Variants in CDH20 observed in about 807,000 individuals in gnomAD.
The protein encoded by CDH20 is cadherin 20.
Under a neutral mutation model 74.2 loss-of-function variants are expected in CDH20, and 29 were observed. The ratio of observed to expected loss-of-function variants is 0.39; its 90% CI spans 0.29 to 0.53. The LOEUF (loss-of-function observed/expected upper bound fraction) is 0.53, where lower values mean the gene tolerates loss of function less well. Among genes scored for constraint, CDH20 ranks in the 20% least tolerant of loss-of-function variants. The pLI, the probability that CDH20 is intolerant of heterozygous loss-of-function variation, is 0.69. For synonymous variants in CDH20, 469 were observed against 405.4 expected (o/e 1.16, Z -1.88); for missense variants, 988 against 1,048.3 (o/e 0.94, Z 0.79).
intron 1 of CDH20, among the ~76,000 whole-genome samples, chr18:61,465,969 A>G (rs2073662065): frequency 6.6e-6 from 1 of 152,038 alleles, no homozygotes; most frequent in African/African-American, 2.4e-5. Context: ...CTGAGGTGGG[A>G]GGATGACTTG....
At chr18:61,334,967 ATG>A (rs1386435934) in intron 1 of CDH20, among the ~76,000 whole-genome samples, 1 of 152,060 alleles carries the variant, frequency 6.6e-6, no homozygotes, top group African/African-American at 2.4e-5. Context: ...CCAGTCTCTG[ATG>A]TGTGTCTTTC....
In CDH20 at chr18:61,500,477, A is replaced by G; in HGVS notation, c.636A>G (p.Pro212=). 1 of 1,611,442 alleles carries G rather than the reference A, an allele frequency of 6.2e-7. No homozygotes were observed. Among genetic ancestry groups the G allele is most frequent in the Non-Finnish European group, 8.5e-7 (1 of 1,178,250 alleles). The part of the protein sequence containing the change: ...RVVYSILQGQ[P]YFSVDSKTGV... ...TGTACAGCATTCTTCAGGGCCAGCCATATTTTTCTGTGGACTCTAAAACAG... is the reference window on the plus strand; with the variant it reads ...TGTACAGCATTCTTCAGGGCCAGCCGTATTTTTCTGTGGACTCTAAAACAG... Residue 212 remains proline (P), a synonymous_variant, in exon 4 of 12, where the codon CCA becomes CCG. Coordinates refer to ENST00000262717, the MANE Select transcript of CDH20 (RefSeq NM_031891.4).
At chr18:61,516,959 A>G (rs1457045153) in intron 6 of CDH20, among the ~76,000 whole-genome samples, 3 of 152,168 alleles carry the variant, frequency 2.0e-5, no homozygotes, top group Non-Finnish European at 4.4e-5. Context: ...GATAGTTTTA[A>G]AGTCTTAAGT....
chr18:61,545,602 G>T (rs555949528), intron 10 of CDH20, among the ~76,000 whole-genome samples: 2 of 151,526 alleles, frequency 1.3e-5, no homozygotes, highest in Admixed American at 1.3e-4. Context: ...TGTAACAACG[G>T]GAAAAATCTG....
At chr18:61,474,200 C>T (rs892374273) in intron 1 of CDH20, among the ~76,000 whole-genome samples, 4 of 152,172 alleles carry the variant, frequency 2.6e-5, no homozygotes, top group African/African-American at 9.7e-5. Context: ...CCCTAAGCAA[C>T]CTGTCCCAGT....
chr18:61,464,956 C>A (rs928261874), intron 1 of CDH20, among the ~76,000 whole-genome samples: 2 of 152,184 alleles, frequency 1.3e-5, no homozygotes, highest in Non-Finnish European at 2.9e-5. Flanking sequence ...AAATCCTCAA[C>A]AGGGTCTGTC....
intron 1 of CDH20, among the ~76,000 whole-genome samples, chr18:61,438,827 C>T (rs553069621): frequency 2.0e-5 from 3 of 152,176 alleles, no homozygotes; most frequent in Non-Finnish European, 2.9e-5. Flanking sequence ...CAGCACCATT[C>T]GCAATACCAA....
At chr18:61,491,840 G>T (rs576930964) in intron 2 of CDH20, among the ~76,000 whole-genome samples, 7 of 151,996 alleles carry the variant, frequency 4.6e-5, no homozygotes, top group African/African-American at 1.7e-4. Context: ...TTGACTCATT[G>T]TCCTATCTGT....
chr18:61,471,725 C>T (rs1910183804), intron 1 of CDH20, among the ~76,000 whole-genome samples: 3 of 152,130 alleles, frequency 2.0e-5, no homozygotes, highest in Admixed American at 2.0e-4. Context: ...AATTAAGATC[C>T]CGTTTGTCGG....
In CDH20 at chr18:61,468,992, C is replaced by T. The variant is rs189869870; in HGVS notation, c.-152-21410C>T. Among the ~76,000 whole-genome samples, 398 of 152,218 alleles carry T rather than the reference C, an allele frequency of 2.6e-3. 1 individual carries two copies. The highest frequency in any genetic ancestry group is 9.3e-3 in the African/African-American group (388 of 41,532). On this transcript the variant is annotated intron_variant, in intron 1 of 11. Transcript: ENST00000262717. ...TTCATAACCACTAAAAATCAAACCCCTCCCCTCAAAAATCCTAAAACACAA... is the reference window on the plus strand; with the variant it reads ...TTCATAACCACTAAAAATCAAACCCTTCCCCTCAAAAATCCTAAAACACAA...
At chr18:61,362,978 G>T (rs1910750024) in intron 1 of CDH20, among the ~76,000 whole-genome samples, 1 of 152,084 alleles carries the variant, frequency 6.6e-6, no homozygotes, top group Non-Finnish European at 1.5e-5. Context: ...TGAGTCAAGA[G>T]ACTGAATATT....
chr18:61,507,660 T>C, intron 6 of CDH20, 100 bp downstream of exon 6: 1 of 754,668 alleles, frequency 1.3e-6, no homozygotes. Context: ...TTGCTTCAAA[T>C]CATCTGATAA....
At chr18:61,342,948 T>C (rs1432739625) in intron 1 of CDH20, among the ~76,000 whole-genome samples, 1 of 152,220 alleles carries the variant, frequency 6.6e-6, no homozygotes, top group Admixed American at 6.5e-5. Flanking sequence ...GGGACCATAC[T>C]GGGTGATCAG....
At chr18:61,476,510 G>A (rs1019679069) in intron 1 of CDH20, among the ~76,000 whole-genome samples, 14 of 152,136 alleles carry the variant, frequency 9.2e-5, no homozygotes, top group Admixed American at 6.5e-5. Flanking sequence ...ACATTTTGAG[G>A]TGATTTATTT....
intron 6 of CDH20, among the ~76,000 whole-genome samples, chr18:61,518,868 C>G (rs1682233205): frequency 1.3e-5 from 2 of 151,074 alleles, no homozygotes; most frequent in African/African-American, 4.9e-5. Flanking sequence ...AAGCTAAGAA[C>G]CTTGAAAAAA....
At chr18:61,412,758 A>G (rs1420901699) in intron 1 of CDH20, among the ~76,000 whole-genome samples, 3 of 152,212 alleles carry the variant, frequency 2.0e-5, no homozygotes, top group African/African-American at 7.2e-5. Context: ...ATGCTTTTGA[A>G]TATTTACTTA....
intron 1 of CDH20, among the ~76,000 whole-genome samples, chr18:61,430,879 A>G (rs1913231241): frequency 6.6e-6 from 1 of 152,052 alleles, no homozygotes; most frequent in African/African-American, 2.4e-5. Context: ...AGAATCAGCC[A>G]TTTCTTCAAG....
intron 5 of CDH20, among the ~76,000 whole-genome samples, chr18:61,504,225 A>G (rs1911482515): frequency 1.3e-5 from 2 of 152,194 alleles, no homozygotes; most frequent in African/African-American, 4.8e-5. Flanking sequence ...AAGGGCAGAG[A>G]CTAGGAGCAG....
intron 1 of CDH20, among the ~76,000 whole-genome samples, chr18:61,457,152 G>A (rs528171620): frequency 6.6e-6 from 1 of 152,170 alleles, no homozygotes; most frequent in Non-Finnish European, 1.5e-5. Flanking sequence ...TGTGTTTGAT[G>A]CATTCCCTGA....
Sources: allele counts gnomAD v4.1 joint callset (sites outside exome capture counted in the v4.1 genomes callset), GRCh38; gene constraint gnomAD v4.1.1; transcripts MANE v1.5; gene names NCBI Gene and HGNC (gene_info 2026-07-23, HGNC 2026-07-21).